Variants in ELAPOR2 observed in about 807,000 individuals in gnomAD.
The protein encoded by ELAPOR2 is endosome-lysosome associated apoptosis and autophagy regulator family member 2, also known as endosome/lysosome-associated apoptosis and autophagy regulator family member 2.
In ELAPOR2, 89 loss-of-function variants were observed where a neutral mutation model predicts 120.7. The observed-to-expected ratio is 0.74, with a 90% CI of 0.62 to 0.88. The LOEUF (loss-of-function observed/expected upper bound fraction) is 0.88. ELAPOR2 is among the 40% of genes least tolerant of loss of function. The pLI, the probability that ELAPOR2 is intolerant of heterozygous loss-of-function variation, is 0.00. For missense variants in ELAPOR2, 1,134 were observed against 1,251.6 expected, an observed-to-expected ratio of 0.91 and a Z score of 1.42; for synonymous variants, 444 against 444.9, an observed-to-expected ratio of 1.00 and a Z score of 0.03.
intron 1 of ELAPOR2, among the ~76,000 whole-genome samples, chr7:87,056,195 G>C (rs1455051550): frequency 2.6e-5 from 4 of 152,014 alleles, no homozygotes; most frequent in African/African-American, 9.7e-5. Context: ...CAAAATATCA[G>C]GATCTAGCTC....
At chr7:87,053,419 T>C (rs1795173622) in intron 1 of ELAPOR2, among the ~76,000 whole-genome samples, 1 of 152,152 alleles carries the variant, frequency 6.6e-6, no homozygotes, top group Non-Finnish European at 1.5e-5. Context: ...GTAAAACAAA[T>C]GGTGCCTTTG....
At chr7:86,962,919 G>A (rs1791772593) in intron 2 of ELAPOR2, among the ~76,000 whole-genome samples, 1 of 152,164 alleles carries the variant, frequency 6.6e-6, no homozygotes, top group African/African-American at 2.4e-5. Flanking sequence ...TATGAACTGT[G>A]CTTCTAAGTT....
chr7:86,908,393 A>G (rs563988344), intron 17 of ELAPOR2, 54 bp downstream of exon 17: 1 of 890,310 alleles, frequency 1.1e-6, no homozygotes, highest in African/African-American at 1.7e-5. Flanking sequence ...TGTTCCATAT[A>G]TATAAGTTTC....
intron 1 of ELAPOR2, among the ~76,000 whole-genome samples, chr7:86,978,887 A>AT (rs946838256): frequency 7.2e-5 from 11 of 152,174 alleles, no homozygotes; most frequent in Admixed American, 4.6e-4. Flanking sequence ...ATAACTGTAT[A>AT]TTTTTTTGTT....
intron 9 of ELAPOR2, among the ~76,000 whole-genome samples, 193 bp from the exon 10 acceptor site, chr7:86,925,849 T>C (rs986557760): frequency 9.2e-5 from 14 of 152,082 alleles, no homozygotes; most frequent in African/African-American, 3.4e-4. Flanking sequence ...TCTAGATATA[T>C]TATACATACA....
intron 8 of ELAPOR2, among the ~76,000 whole-genome samples, chr7:86,936,530 G>T (rs180890872): frequency 3.6e-4 from 54 of 152,076 alleles, no homozygotes; most frequent in African/African-American, 1.3e-3. Flanking sequence ...CATTTATCTT[G>T]AAATGTCTTA....
chr7:86,898,766 T>A (rs1788569385), intron 18 of ELAPOR2, among the ~76,000 whole-genome samples: 1 of 151,996 alleles, frequency 6.6e-6, no homozygotes, highest in Non-Finnish European at 1.5e-5. Context: ...ACGCAATGAG[T>A]GAGTGCTGGG....
chr7:87,056,488 T>C (rs1228951490), intron 1 of ELAPOR2, among the ~76,000 whole-genome samples: 3 of 152,240 alleles, frequency 2.0e-5, no homozygotes, highest in Middle Eastern at 3.2e-3. Context: ...GCCAGCACTT[T>C]GACTTTCCTT....
chr7:87,039,556 T>G (rs188001314), intron 1 of ELAPOR2, among the ~76,000 whole-genome samples: 1 of 152,278 alleles, frequency 6.6e-6, no homozygotes, highest in African/African-American at 2.4e-5. Flanking sequence ...GGATCATTCA[T>G]CATGACCAAG....
rs1405911781 is a variant in ELAPOR2 at position 87,003,572 on chromosome 7, C to G, written c.190-38548G>C. ...TGCATTCTGCCATGCTTGTAAGTTT[C>G]CTGAGACCTCCTCAGCCATGCCTCC... On this transcript the variant is annotated intron_variant, in intron 1 of 21. Transcript: ENST00000450689. Among the ~76,000 whole-genome samples the G allele has an allele frequency of 2.0e-5, 3 of 152,136 alleles. No homozygotes were observed. The East Asian group carries it at 5.8e-4, about 29-fold the overall frequency.
intron 2 of ELAPOR2, among the ~76,000 whole-genome samples, chr7:86,955,543 T>C (rs916487174): frequency 2.6e-5 from 4 of 152,074 alleles, no homozygotes; most frequent in East Asian, 1.9e-4. Context: ...GTGGCAGACA[T>C]TGCAATATTC....
At chr7:86,897,385 C>T in intron 19 of ELAPOR2, 121 bp downstream of exon 19, 1 of 1,213,856 alleles carries the variant, frequency 8.2e-7, no homozygotes, top group South Asian at 1.6e-5. Flanking sequence ...TAAATGCCTA[C>T]CAATGTAACA....
intron 4 of ELAPOR2, 40 bp from the exon 5 acceptor site, chr7:86,942,144 A>C: frequency 1.7e-6 from 2 of 1,177,408 alleles, no homozygotes. Flanking sequence ...AGTGTCTTGA[A>C]TAACAGCTTT....
chr7:86,903,682 G>A (rs1013358677), intron 18 of ELAPOR2, among the ~76,000 whole-genome samples: 4 of 152,114 alleles, frequency 2.6e-5, no homozygotes, highest in East Asian at 1.9e-4. Flanking sequence ...ACTGTGAAGC[G>A]TTCCTTTTGT....
At chr7:86,982,792 A>G (rs1792554493) in intron 1 of ELAPOR2, among the ~76,000 whole-genome samples, 1 of 152,252 alleles carries the variant, frequency 6.6e-6, no homozygotes, top group African/African-American at 2.4e-5. Flanking sequence ...CCAAAGGATC[A>G]CAGCTCCTCG....
At chr7:86,881,364 T>C (rs1799393670) in intron 21 of ELAPOR2, among the ~76,000 whole-genome samples, 1 of 151,602 alleles carries the variant, frequency 6.6e-6, no homozygotes, top group African/African-American at 2.4e-5. Flanking sequence ...GCCCTTTTTT[T>C]TTTTTTTTTG....
At chr7:86,991,320 C>A (rs757307386) in intron 1 of ELAPOR2, among the ~76,000 whole-genome samples, 20 of 152,076 alleles carry the variant, frequency 1.3e-4, no homozygotes, top group Admixed American at 6.6e-5. Context: ...AACTGTGTTA[C>A]TGAATAGCTG....
At chr7:86,982,071 T>C (rs1228290249) in intron 1 of ELAPOR2, among the ~76,000 whole-genome samples, 1 of 152,250 alleles carries the variant, frequency 6.6e-6, no homozygotes, top group East Asian at 1.9e-4. Context: ...TGCAGCAGTC[T>C]GAGATCAAAC....
intron 21 of ELAPOR2, among the ~76,000 whole-genome samples, chr7:86,885,044 A>C (rs746522571): frequency 5.9e-5 from 9 of 152,168 alleles, no homozygotes; most frequent in Non-Finnish European, 1.2e-4. Context: ...ACAACGCGGA[A>C]GAAGTTCACT....
Sources: allele counts gnomAD v4.1 joint callset (sites outside exome capture counted in the v4.1 genomes callset), GRCh38; gene constraint gnomAD v4.1.1; transcripts MANE v1.5; gene names NCBI Gene and HGNC (gene_info 2026-07-23, HGNC 2026-07-21).